The following CLCNKA variants were observed in gnomAD, a reference collection of about 807,000 sequenced individuals.
CLCNKA encodes chloride channel protein ClC-Ka.
Under a neutral mutation model 83.3 loss-of-function variants are expected in CLCNKA, and 66 were observed. That is an observed-to-expected ratio of 0.79 (90% CI 0.65 to 0.97). The LOEUF (loss-of-function observed/expected upper bound fraction) is 0.97, where lower values mean the gene tolerates loss of function less well. Among genes scored for constraint, CLCNKA ranks in the 50% least tolerant of loss-of-function variants. The probability of loss-of-function intolerance (pLI) is 0.00; values close to 1 mark genes in which losing one functional copy is unlikely to be tolerated. For synonymous variants in CLCNKA, 357 were observed against 370.4 expected (o/e 0.96, Z 0.42); for missense variants, 806 against 888.7 (o/e 0.91, Z 1.18).
At position 16,033,684 on chromosome 1, in the gene CLCNKA, C is replaced by T. The variant is rs1261211788; in HGVS notation, c.*26C>T. 4 of 1,609,218 alleles carry T rather than the reference C, an allele frequency of 2.5e-6. No individual in the cohort carries two copies. The highest frequency in any genetic ancestry group is 2.7e-5 in the African/African-American group (2 of 73,652). ...GCCGGCCCAGCAAGATGAAACAGGGCACCCCAGCTGACCTGGTACTGAGGT... is the reference window on the plus strand; with the variant it reads ...GCCGGCCCAGCAAGATGAAACAGGGTACCCCAGCTGACCTGGTACTGAGGT... On this transcript the variant is annotated 3_prime_UTR_variant, in exon 20 of 20. Coordinates refer to ENST00000331433, the MANE Select transcript of CLCNKA (RefSeq NM_004070.4).
Position 16,024,856 on chromosome 1 carries a change from C to G in CLCNKA, c.323C>G (p.Ser108Ter). ...CCTGTGGCCCTCGTCTCTTTCTCCTCAGGCTTCTCCCAGAGCATCACGCCC... is the reference window on the plus strand; with the variant it reads ...CCTGTGGCCCTCGTCTCTTTCTCCTGAGGCTTCTCCCAGAGCATCACGCCC... The part of the protein sequence containing the change: ...VYPVALVSFS[S>*]GFSQSITPSS... Residue 108 changes from serine (S) to a stop codon, truncating the protein, a stop_gained, in exon 4 of 20, where the codon TCA (serine) becomes TGA (stop). Transcript: ENST00000331433. LOFTEE classifies it high-confidence loss of function. 1 of 1,614,190 alleles carries G rather than the reference C, an allele frequency of 6.2e-7. No homozygotes were observed. The highest frequency in any genetic ancestry group is 8.5e-7 in the Non-Finnish European group (1 of 1,180,036).
chr1:16,026,675 G>C, intron 6 of CLCNKA, 22 bp from the exon 7 acceptor site: 4 of 1,613,680 alleles, frequency 2.5e-6, no homozygotes, highest in Non-Finnish European at 3.4e-6. Context: ...CTGACTCTGA[G>C]CCCTGGACTC....
At chr1:16,023,629 G>A (rs1172012037) in intron 2 of CLCNKA, among the ~76,000 whole-genome samples, 171 bp from the exon 3 acceptor site, 1 of 152,196 alleles carries the variant, frequency 6.6e-6, no homozygotes, top group Non-Finnish European at 1.5e-5. Context: ...GTCCCAGTGC[G>A]AGGAACGTGG....
chr1:16,028,683 C>G (rs2022484164), intron 10 of CLCNKA, 78 bp from the exon 11 acceptor site: 1 of 1,562,456 alleles, frequency 6.4e-7, no homozygotes, highest in African/African-American at 1.4e-5. Context: ...CTGCTGCTGC[C>G]TGGACCAGGT....
At chr1:16,027,797 C>A in intron 8 of CLCNKA, 24 bp from the exon 9 acceptor site, 8 of 1,595,454 alleles carry the variant, frequency 5.0e-6, no homozygotes, top group Non-Finnish European at 6.8e-6. Context: ...GCCATCTTGG[C>A]TCCCCACTGC....
At chr1:16,027,254 C>T (rs1286765222) in intron 7 of CLCNKA, 56 bp from the exon 8 acceptor site, 1 of 1,609,020 alleles carries the variant, frequency 6.2e-7, no homozygotes, top group African/African-American at 1.3e-5. Context: ...GGAGGGGGCC[C>T]TACAGCCACA....
intron 3 of CLCNKA, 50 bp from the exon 4 acceptor site, chr1:16,024,713 T>C (rs956697144): frequency 1.2e-5 from 20 of 1,611,446 alleles, no homozygotes; most frequent in South Asian, 3.3e-5. Flanking sequence ...TGTCTGGCCC[T>C]GAGGGCTGCA....
intron 15 of CLCNKA, among the ~76,000 whole-genome samples, chr1:16,031,189 G>T (rs766176772): frequency 1.3e-5 from 2 of 152,172 alleles, no homozygotes; most frequent in South Asian, 4.1e-4. Context: ...CGGAGGCCCC[G>T]CTCCAAACAC....
At position 16,032,533 on chromosome 1, in the gene CLCNKA, A is replaced by G; in HGVS notation, c.1929+7A>G. The stretch of plus-strand genomic sequence containing the variant: ...AGAGACCACCTTGCACCAGGTAACA[A>G]GTATTGGGGAGTGTGACACACGCAG... On this transcript the variant is annotated splice_region_variant and intron_variant, in intron 18 of 19. Coordinates refer to ENST00000331433, the MANE Select transcript of CLCNKA (RefSeq NM_004070.4). 1.2e-6 allele frequency: 2 copies of G among 1,606,952 alleles called. No individual in the cohort carries two copies. Among genetic ancestry groups the G allele is most frequent in the Non-Finnish European group, 1.7e-6 (2 of 1,174,312 alleles).
chr1:16,022,729 A>G lies in CLCNKA; in HGVS notation c.100+10A>G, dbSNP rs139590893. Reference sequence around the variant, plus strand: ...CGCCGAGCCATCCAAGGTGAGAGCCAGGTCCTCTTCCCTACCCGCGGGGGA... The same window carrying G: ...CGCCGAGCCATCCAAGGTGAGAGCCGGGTCCTCTTCCCTACCCGCGGGGGA... On this transcript the variant is annotated intron_variant, in intron 2 of 19. Transcript: ENST00000331433. The G allele has an allele frequency of 2.5e-3, 3,842 of 1,516,894 alleles. 5 individuals carry two copies. The highest frequency in any genetic ancestry group is 3.2e-3 in the Non-Finnish European group (3,567 of 1,127,482). 94.0% of individuals were successfully genotyped at this position (1,516,894 alleles called of 1,614,324 possible).
Position 16,032,243 on chromosome 1 carries a change from G to T in CLCNKA, c.1797G>T (p.Leu599=). 1 of 1,612,706 alleles carries T rather than the reference G, an allele frequency of 6.2e-7. No homozygotes were observed. Among genetic ancestry groups the T allele is most frequent in the Non-Finnish European group, 8.5e-7 (1 of 1,179,940 alleles). ...TAGGCATCGTGCAGAGGGCCCAGCT[G>T]GTGCAGGCCCTCCAGGCTGAGCCTC... ...ILVGIVQRAQ[L]VQALQAEPPS... Residue 599 remains leucine, a synonymous_variant, in exon 17 of 20, where the codon CTG becomes CTT. Transcript: ENST00000331433.
intron 7 of CLCNKA, 42 bp from the exon 8 acceptor site, chr1:16,027,268 G>T (rs1251748076): frequency 9.3e-6 from 15 of 1,611,336 alleles, no homozygotes; most frequent in Non-Finnish European, 1.3e-5. Flanking sequence ...AGCCACAGGT[G>T]GGTGGGGGTG....
Position 16,026,772 on chromosome 1 carries a change from A to G in CLCNKA, c.652A>G (p.Ser218Gly), listed in dbSNP as rs1448179888. 6.2e-7 allele frequency: 1 copy of G among 1,604,278 alleles called. No homozygotes were observed. Among genetic ancestry groups the G allele is most frequent in the South Asian group, 1.1e-5 (1 of 91,026 alleles). Residue 218 changes from serine (S) to glycine (G), a missense_variant, in exon 7 of 20, where the codon AGC becomes GGC. Transcript: ENST00000331433. Reference sequence around the variant, plus strand: ...GGCCACAGTCTTTGCAGCTCCCTTCAGCGGTGAGACCCCCCTCATGCCCCG... The same window carrying G: ...GGCCACAGTCTTTGCAGCTCCCTTCGGCGGTGAGACCCCCCTCATGCCCCG... Reference protein sequence around the residue: ...GVATVFAAPFSGVLFSIEVMS... With the variant: ...GVATVFAAPFGGVLFSIEVMS...
Position 16,032,269 on chromosome 1 carries a change from C to T in CLCNKA, c.1823C>T (p.Pro608Leu), listed in dbSNP as rs773092590. The T allele has an allele frequency of 7.6e-6, 12 of 1,577,708 alleles. No homozygotes were observed. The Admixed American group carries it at 1.9e-4, about 25-fold the overall frequency. The change falls in exon 17 of 20, where the codon CCT becomes CTT. Residue 608 changes from proline (P) to leucine (L), a missense_variant. Transcript: ENST00000331433. ...QLVQALQAEP[P>L]SRAPGHQQCL... ...GTGCAGGCCCTCCAGGCTGAGCCTC[C>T]TTCCAGGGCTCCAGGACACCAGGTG...
At chr1:16,029,355 GGGCGGGGGTGCCTCCCTGCACCTGGT>G in intron 12 of CLCNKA, 56 bp downstream of exon 12, 1 of 1,611,966 alleles carries the variant, frequency 6.2e-7, no homozygotes, top group Admixed American at 1.7e-5. Context: ...TGGTGGGGAG[GGGCGGGGGTGCCTCCCTGCACCTGGT>G]GGCATGGAGC....
At chr1:16,024,675 T>G (rs1305558293) in intron 3 of CLCNKA, 88 bp from the exon 4 acceptor site, 4 of 1,575,590 alleles carry the variant, frequency 2.5e-6, no homozygotes, top group Admixed American at 1.7e-5. Context: ...CGTGACTCCA[T>G]TTCCTGGTCA....
At chr1:16,027,222 C>T (rs1299456702) in intron 7 of CLCNKA, 88 bp from the exon 8 acceptor site, 1 of 1,576,674 alleles carries the variant, frequency 6.3e-7, no homozygotes, top group Admixed American at 1.7e-5. Flanking sequence ...GGACAGATGG[C>T]TCAGGGAGGA....
intron 14 of CLCNKA, 51 bp from the exon 15 acceptor site, chr1:16,030,410 C>T: frequency 6.2e-7 from 1 of 1,603,292 alleles, no homozygotes; most frequent in South Asian, 1.1e-5. Context: ...TCACATCAGG[C>T]TGGCCCCTGC....
At chr1:16,031,573 C>T (rs953944154) in intron 15 of CLCNKA, 137 bp from the exon 16 acceptor site, 4 of 1,286,298 alleles carry the variant, frequency 3.1e-6, no homozygotes, top group Non-Finnish European at 4.4e-6. Flanking sequence ...GTCCCTCATT[C>T]CAGGAACCTC....
Sources: allele counts gnomAD v4.1 joint callset (sites outside exome capture counted in the v4.1 genomes callset), GRCh38; gene constraint gnomAD v4.1.1; transcripts MANE v1.5; gene names NCBI Gene and HGNC (gene_info 2026-07-23, HGNC 2026-07-21).